Variants in CAMTA2 observed in about 807,000 individuals in gnomAD.
CAMTA2 encodes the protein calmodulin binding transcription activator 2.
CAMTA2 carries 56 observed loss-of-function variants against 135.7 expected under a neutral mutation model. The observed-to-expected ratio is 0.41, with a 90% CI of 0.33 to 0.52. CAMTA2 has a LOEUF of 0.52. CAMTA2 is among the 20% of genes least tolerant of loss of function. The pLI is 0.16. For synonymous variants in CAMTA2, 591 were observed against 604.6 expected (o/e 0.98, Z 0.33); for missense variants, 1,358 against 1,553.4 (o/e 0.87, Z 2.11).
At chr17:4,974,335 G>A in intron 12 of CAMTA2, 50 bp downstream of exon 12, 3 of 1,174,180 alleles carry the variant, frequency 2.6e-6, no homozygotes, top group Non-Finnish European at 3.8e-6. Context: ...CTTTAGCTGT[G>A]TCCTCCCCCT....
In CAMTA2 at chr17:4,986,184, G is replaced by A; in HGVS notation, c.31+8C>T. On this transcript the variant is annotated splice_region_variant and intron_variant, in intron 2 of 22. Transcript: ENST00000348066. The stretch of plus-strand genomic sequence containing the variant: ...TGGCCACATTGGGAACCTGGTTTGT[G>A]AACTTACCAGCAACCTCGGTGGTGT... 6.4e-7 allele frequency: 1 copy of A among 1,562,264 alleles called. No individual in the cohort carries two copies.
intron 1 of CAMTA2, chr17:4,987,251 G>A (rs1044621740): frequency 7.4e-7 from 1 of 1,344,496 alleles, no homozygotes; most frequent in Non-Finnish European, 9.5e-7. Flanking sequence ...CCCCGGCGGA[G>A]TGGTGGTCCC....
At chr17:4,986,409 G>A (rs988076425) in intron 1 of CAMTA2, 123 bp from the exon 2 acceptor site, 13 of 601,620 alleles carry the variant, frequency 2.2e-5, no homozygotes, top group African/African-American at 2.0e-4. Context: ...GAAAGGGAGG[G>A]AGGGGCTGAC....
chr17:4,968,886 AG>A lies in CAMTA2; in HGVS notation c.3545+20del, dbSNP rs763552126. On this transcript the variant is annotated intron_variant, in intron 22 of 22. Transcript: ENST00000348066. ...ACGACGGGTGGCAACGCAAAAGCCC[AG>A]GGGGAGAAGGGATGAGTACCTGTGT... The A allele has an allele frequency of 3.3e-5, 54 of 1,613,660 alleles. No homozygotes were observed. Among genetic ancestry groups the A allele is most frequent in the Non-Finnish European group, 3.7e-5 (44 of 1,179,676 alleles).
rs1168278184 is a variant in CAMTA2, at chr17:4,970,449, C to T, written c.2896G>A (p.Gly966Arg). The change falls in exon 17 of 23, where the codon GGA (glycine) becomes AGA (arginine). Residue 966 changes from glycine to arginine, a missense_variant. Gly to Arg is a moderately radical substitution (Grantham distance 125). Transcript: ENST00000348066. ...CCTGTCCGCTCCCGCATTGAGGCTC[C>T]AGCCTCGGGCAGCCCCACGAAGTCC... ...REDFVGLPEA[G>R]ASMRERTGAV... is the part of the protein sequence containing the mutation. 1 of 1,613,910 alleles carries T rather than the reference C, an allele frequency of 6.2e-7. No homozygotes were observed. The highest frequency in any genetic ancestry group is 1.1e-5 in the South Asian group (1 of 91,084).
intron 7 of CAMTA2, 28 bp from the exon 8 acceptor site, chr17:4,981,387 G>A (rs1468095170): frequency 1.2e-6 from 2 of 1,610,778 alleles, no homozygotes; most frequent in Admixed American, 1.7e-5. Context: ...AAGTGCTGTG[G>A]GATCCCCACG....
rs1289630139 is a variant in CAMTA2, at chr17:4,969,694, C to T, written c.3197G>A (p.Arg1066Gln). The stretch of plus-strand genomic sequence containing the variant: ...TGCTACCTCCTGCTGCTCCTTCAGC[C>T]GCCGGCCCTGAAGGGAGAGAAGTCT... ...QTAFRKYKGR[R>Q]LKEQQEVAAA... Residue 1066 changes from arginine (R) to glutamine (Q), a missense_variant, in exon 19 of 23, where the codon CGG becomes CAG. Physicochemically the swap from Arg to Gln is conservative, Grantham distance 43. Coordinates refer to ENST00000348066, the MANE Select transcript of CAMTA2 (RefSeq NM_015099.4). This position sits in a 1 kb window ranked among gnomAD's most constrained non-coding sequence, Gnocchi z 5.6. The T allele has an allele frequency of 2.5e-6, 4 of 1,613,840 alleles. No individual in the cohort carries two copies. Among genetic ancestry groups the T allele is most frequent in the Middle Eastern group, 1.7e-4 (1 of 5,894 alleles).
chr17:4,973,267 G>A lies in CAMTA2; in HGVS notation c.2202-14C>T. 1.2e-6 allele frequency: 2 copies of A among 1,607,208 alleles called. No homozygotes were observed. Among genetic ancestry groups the A allele is most frequent in the East Asian group, 2.2e-5 (1 of 44,846 alleles). On this transcript the variant is annotated splice_polypyrimidine_tract_variant and intron_variant, in intron 13 of 22. Transcript: ENST00000348066. ...GTCTCCACACTCCTGGAGGGTTTGG[G>A]AGAGAGACAGCAGAGCCCAATGAGG...
intron 9 of CAMTA2, chr17:4,979,245 T>C: frequency 6.4e-6 from 1 of 155,538 alleles, no homozygotes; most frequent in Non-Finnish European, 1.4e-5. Context: ...GCACGGTGGC[T>C]CACACCTGTA....
intron 16 of CAMTA2, among the ~76,000 whole-genome samples, chr17:4,971,691 C>CTT (rs748274165): frequency 0.011 from 1,469 of 131,828 alleles, 41 homozygotes; most frequent in Middle Eastern, 0.02. Flanking sequence ...ACTATTTTGT[C>CTT]TTTTTTTTTT....
rs61743811 is a variant in CAMTA2 at position 4,987,603 on chromosome 17, C to T, written c.-75G>A. 2,060 of 1,527,678 alleles carry T rather than the reference C, an allele frequency of 1.3e-3. 25 individuals carry two copies. In the African/African-American group the frequency reaches 0.025, roughly 19 times the overall value. 94.6% of individuals were successfully genotyped at this position (1,527,678 alleles called of 1,614,324 possible). The stretch of plus-strand genomic sequence containing the variant: ...GGCCCTGGCTCTTACCTCCCGGGGT[C>T]CCGCGGGTGACGGCGGCAGCGGCCA... On this transcript the variant is annotated 5_prime_UTR_variant, in exon 1 of 23. Coordinates refer to ENST00000348066, the MANE Select transcript of CAMTA2 (RefSeq NM_015099.4).
chr17:4,981,405 C>T (rs767568394), intron 7 of CAMTA2, 46 bp from the exon 8 acceptor site: 8 of 1,601,256 alleles, frequency 5.0e-6, no homozygotes, highest in Non-Finnish European at 6.0e-6. Context: ...ACGAAACAGG[C>T]CCCAGAGTAC....
chr17:4,974,505 G>C lies in CAMTA2; in HGVS notation c.1901-5C>G. ...TGGACATCCGGAACTGGTTGTCTGAGGGGGAACGGGTATGGGAGGCTGAGT... is the reference window on the plus strand; with the variant it reads ...TGGACATCCGGAACTGGTTGTCTGACGGGGAACGGGTATGGGAGGCTGAGT... On this transcript the variant is annotated splice_region_variant and splice_polypyrimidine_tract_variant and intron_variant, in intron 11 of 22. Transcript: ENST00000348066. 6.3e-7 allele frequency: 1 copy of C among 1,595,612 alleles called. No homozygotes were observed. Among genetic ancestry groups the C allele is most frequent in the Non-Finnish European group, 8.6e-7 (1 of 1,163,128 alleles).
chr17:4,980,453 G>A lies in CAMTA2; in HGVS notation c.869C>T (p.Pro290Leu), dbSNP rs1277991548. 6.2e-7 allele frequency: 1 copy of A among 1,613,562 alleles called. No homozygotes were observed. The highest frequency in any genetic ancestry group is 8.5e-7 in the Non-Finnish European group (1 of 1,179,774). ...PPELPKAHTSPSSSSSSSSSG... is the reference protein window; with the variant it reads ...PPELPKAHTSLSSSSSSSSSG... The stretch of plus-strand genomic sequence containing the variant: ...TGAGGAGGAAGAAGAGGAAGAAGAT[G>A]GGGAGGTGTGTGCCTTGGGGAGCTC... Residue 290 changes from proline (P) to leucine (L), a missense_variant, in exon 9 of 23, where the codon CCA becomes CTA. This residue lies in a region of CAMTA2 where 1,077 missense variants were observed against 1,127.5 expected (regional missense o/e 0.96). Transcript: ENST00000348066. The surrounding 1 kb of genome is among the most constrained non-coding windows in gnomAD (Gnocchi z 5.3).
Position 4,969,762 on chromosome 17 carries a change from T to C in CAMTA2, c.3190-61A>G. 1 of 1,606,338 alleles carries C rather than the reference T, an allele frequency of 6.2e-7. No individual in the cohort carries two copies. Among genetic ancestry groups the C allele is most frequent in the Non-Finnish European group, 8.5e-7 (1 of 1,173,826 alleles). On this transcript the variant is annotated intron_variant, in intron 18 of 22. Transcript: ENST00000348066. This position sits in a 1 kb window ranked among gnomAD's most constrained non-coding sequence, Gnocchi z 5.6. ...CATAATGGCATATCTGACTTGTCCCTTCAACTTTCCTGGGGTTCCCCTGAC... is the reference window on the plus strand; with the variant it reads ...CATAATGGCATATCTGACTTGTCCCCTCAACTTTCCTGGGGTTCCCCTGAC...
intron 16 of CAMTA2, among the ~76,000 whole-genome samples, chr17:4,971,935 C>T (rs1972313674): frequency 1.3e-5 from 2 of 152,114 alleles, no homozygotes; most frequent in African/African-American, 4.8e-5. Context: ...GTGATCCACC[C>T]GCCCTGGCCA....
intron 4 of CAMTA2, 37 bp from the exon 5 acceptor site, chr17:4,982,929 A>AGAACCCAG (rs1333509785): frequency 6.2e-6 from 10 of 1,614,202 alleles, no homozygotes; most frequent in Non-Finnish European, 8.5e-6. Flanking sequence ...TTCTGTGAAC[A>AGAACCCAG]GAACCCAGGA....
At chr17:4,970,157 G>T in intron 17 of CAMTA2, 72 bp from the exon 18 acceptor site, 1 of 1,501,118 alleles carries the variant, frequency 6.7e-7, no homozygotes, top group Non-Finnish European at 9.2e-7. Flanking sequence ...GGATGGCTAC[G>T]AAGGAAAACC....
chr17:4,979,528 A>AG (rs1555561267), intron 9 of CAMTA2, 156 bp downstream of exon 9: 36 of 455,534 alleles, frequency 7.9e-5, no homozygotes, highest in African/African-American at 1.4e-4. Flanking sequence ...AAAAAAAAAA[A>AG]AGAGAGAGAT....
Sources: allele counts gnomAD v4.1 joint callset (sites outside exome capture counted in the v4.1 genomes callset), GRCh38; gene constraint gnomAD v4.1.1; regional missense constraint gnomAD v4.1.1; non-coding constraint Gnocchi (gnomAD v3.1); transcripts MANE v1.5; gene names NCBI Gene and HGNC (gene_info 2026-07-23, HGNC 2026-07-21).